KRT4: variants seen among roughly 807,000 people sequenced by gnomAD.
The protein encoded by KRT4 is keratin, type II cytoskeletal 4.
In KRT4, 47 loss-of-function variants were observed where a neutral mutation model predicts 50.6. That is an observed-to-expected ratio of 0.93 (90% CI 0.73 to 1.18). KRT4 has a LOEUF of 1.18. KRT4 is among the 50% of genes most tolerant of loss of function. The pLI is 0.00. For synonymous variants in KRT4, 254 were observed against 251.2 expected (o/e 1.01, Z -0.10); for missense variants, 651 against 645.7 (o/e 1.01, Z -0.09).
In KRT4 at chr12:52,806,877, C is replaced by T; in HGVS notation, c.*192G>A. On this transcript the variant is annotated 3_prime_UTR_variant, in exon 9 of 9. Coordinates refer to ENST00000551956, the MANE Select transcript of KRT4 (RefSeq NM_002272.4). Reference sequence around the variant, plus strand: ...CAGGCCCAAATCAAGAAGTAGCTACCAAACTCCAAGAGGCAGAGTCCCTGT... The same window carrying T: ...CAGGCCCAAATCAAGAAGTAGCTACTAAACTCCAAGAGGCAGAGTCCCTGT... 1 of 678,216 alleles carries T rather than the reference C, an allele frequency of 1.5e-6. No homozygotes were observed. The highest frequency in any genetic ancestry group is 2.6e-6 in the Non-Finnish European group (1 of 388,536). The allele number at this position is 678,216 out of a possible 1,614,324, so 42.0% of individuals were successfully genotyped here.
At position 52,809,369 on chromosome 12, in the gene KRT4, GATGGAGCCCTC is replaced by G. The variant is rs1939866625; in HGVS notation, c.834+3_834+13del. On this transcript the variant is annotated splice_donor_5th_base_variant and intron_variant, in intron 4 of 8. Transcript: ENST00000551956. ...TTCCCTTTCCCTGGATGGAGGGGAG[GATGGAGCCCTC>G]ACCGCATCATAGAGGACCTTCAGGA... 24 of 1,584,956 alleles carry G rather than the reference GATGGAGCCCTC, an allele frequency of 1.5e-5. No homozygotes were observed. Among genetic ancestry groups the G allele is most frequent in the Non-Finnish European group, 2.1e-5 (24 of 1,153,314 alleles).
chr12:52,809,621 T>C (rs1199771571), intron 3 of KRT4, 143 bp from the exon 4 acceptor site: 1 of 711,944 alleles, frequency 1.4e-6, no homozygotes, highest in Non-Finnish European at 2.6e-6. Flanking sequence ...GACCAATTAT[T>C]TTATATATTC....
Position 52,808,758 on chromosome 12 carries a change from G to A in KRT4, c.927C>T (p.Ala309=), listed in dbSNP as rs375245246. 26 of 1,614,030 alleles carry A rather than the reference G, an allele frequency of 1.6e-5. No individual in the cohort carries two copies. Among genetic ancestry groups the A allele is most frequent in the African/African-American group, 6.7e-5 (5 of 74,920 alleles). The change falls in exon 5 of 9, where the codon GCC becomes GCT. Residue 309 remains alanine (A), a synonymous_variant. Coordinates refer to ENST00000551956, the MANE Select transcript of KRT4 (RefSeq NM_002272.4). ...NRNLDLDSII[A]EVRAQYEEIA... is the part of the protein sequence containing the mutation. ...TCTCCTCGTACTGGGCACGGACCTC[G>A]GCAATAATGCTGTCCAGGTCCAGGT...
rs766311824 is a variant in KRT4, at chr12:52,809,383, C to T, written c.834G>A (p.Ala278=). 1.2e-6 allele frequency: 2 copies of T among 1,606,734 alleles called. No individual in the cohort carries two copies. Among genetic ancestry groups the T allele is most frequent in the South Asian group, 1.1e-5 (1 of 90,926 alleles). Residue 278 remains alanine (A), a splice_region_variant and synonymous_variant, in exon 4 of 9, where the codon GCG becomes GCA. Transcript: ENST00000551956. ...EINFLKVLYD[A]ELSQMQTHVS... ...ATGGAGGGGAGGATGGAGCCCTCACCGCATCATAGAGGACCTTCAGGAAGT... is the reference window on the plus strand; with the variant it reads ...ATGGAGGGGAGGATGGAGCCCTCACTGCATCATAGAGGACCTTCAGGAAGT...
In KRT4 at chr12:52,813,640, TG is replaced by T. The variant is rs751322489; in HGVS notation, c.418del (p.Gln140ArgfsTer19). ...IQKVRTEERE[Q>X]IKLLNNKFAS... ...AAACTTGTTGTTGAGGAGCTTGATCTGTTCGCGCTCTTCCGTCCGGACTTTC... is the reference window on the plus strand; with the variant it reads ...AAACTTGTTGTTGAGGAGCTTGATCTTTCGCGCTCTTCCGTCCGGACTTTC... On this transcript the variant is annotated frameshift_variant, in exon 1 of 9. Transcript: ENST00000551956. LOFTEE classifies it high-confidence loss of function. 1.2e-6 allele frequency: 2 copies of T among 1,613,994 alleles called. No homozygotes were observed. The highest frequency in any genetic ancestry group is 4.5e-5 in the East Asian group (2 of 44,840).
At chr12:52,809,266 C>A (rs1939863958) in intron 4 of KRT4, 117 bp downstream of exon 4, 4 of 813,116 alleles carry the variant, frequency 4.9e-6, no homozygotes, top group Non-Finnish European at 8.8e-6. Flanking sequence ...TTGATGAGAA[C>A]CCACTGCCCT....
chr12:52,811,741 C>T (rs377556189), intron 2 of KRT4, 22 bp downstream of exon 2: 6 of 1,590,552 alleles, frequency 3.8e-6, no homozygotes, highest in Admixed American at 1.7e-5. Context: ...CAGATGGCGT[C>T]CCCTCCTTCC....
rs200953989 is a variant in KRT4 at position 52,811,782 on chromosome 12, C to T, written c.658G>A (p.Val220Met). The change falls in exon 2 of 9, where the codon GTG becomes ATG. Residue 220 changes from valine to methionine, a missense_variant. Transcript: ENST00000551956. ...QSELKTMQDSVEDFKTKYEEE... is the reference protein window; with the variant it reads ...QSELKTMQDSMEDFKTKYEEE... The stretch of plus-strand genomic sequence containing the variant: ...ATGTACTTAGTCTTGAAGTCCTCCA[C>T]GCTGTCCTGCATGGTCTTCAGCTCA... The T allele has an allele frequency of 4.8e-5, 77 of 1,613,378 alleles. No homozygotes were observed. In the African/African-American group the frequency reaches 5.2e-4, roughly 11 times the overall value.
rs1161324236 is a variant in KRT4 at position 52,807,253 on chromosome 12, G to GTAGCTGACCA, written c.1382-4_1382-3insTGGTCAGCTA. On this transcript the variant is annotated splice_region_variant and splice_polypyrimidine_tract_variant and intron_variant, in intron 8 of 8. Transcript: ENST00000551956. ...GCTGGTGCTACCGCTGACCACAGCT[G>GTAGCTGACCA]CAGAAAAGACACAAAAGACACAGTT... 6.2e-7 allele frequency: 1 copy of GTAGCTGACCA among 1,614,190 alleles called. No homozygotes were observed. Among genetic ancestry groups the GTAGCTGACCA allele is most frequent in the Admixed American group, 1.7e-5 (1 of 60,022 alleles).
chr12:52,807,020 C>T lies in KRT4; in HGVS notation c.*49G>A. 1 of 1,576,222 alleles carries T rather than the reference C, an allele frequency of 6.3e-7. No homozygotes were observed. The highest frequency in any genetic ancestry group is 8.7e-7 in the Non-Finnish European group (1 of 1,145,842). ...TGAAGTGAAGGAAGCACAGAGACAC[C>T]AGTGCTGGGCCCAGCTGGACACAGT... On this transcript the variant is annotated 3_prime_UTR_variant, in exon 9 of 9. Transcript: ENST00000551956.
Position 52,806,896 on chromosome 12 carries a change from T to C in KRT4, c.*173A>G. ...AGCTACCAAACTCCAAGAGGCAGAG[T>C]CCCTGTCCCAGCACAGAAGATCATC... On this transcript the variant is annotated 3_prime_UTR_variant, in exon 9 of 9. Coordinates refer to ENST00000551956, the MANE Select transcript of KRT4 (RefSeq NM_002272.4). 4.1e-6 allele frequency: 3 copies of C among 740,668 alleles called. No individual in the cohort carries two copies. Among genetic ancestry groups the C allele is most frequent in the Non-Finnish European group, 7.0e-6 (3 of 430,384 alleles). 45.9% of individuals were successfully genotyped at this position (740,668 alleles called of 1,614,324 possible).
chr12:52,810,689 A>G (rs1331184085), intron 3 of KRT4, 67 bp downstream of exon 3: 1 of 1,318,538 alleles, frequency 7.6e-7, no homozygotes, highest in Non-Finnish European at 1.1e-6. Context: ...CCATGACTTC[A>G]GCCAAAGACC....
At chr12:52,809,530 G>T in intron 3 of KRT4, 52 bp from the exon 4 acceptor site, 1 of 1,320,180 alleles carries the variant, frequency 7.6e-7, no homozygotes, top group Non-Finnish European at 1.1e-6. Flanking sequence ...GCCAGTAGGA[G>T]GACGGGTTAC....
Position 52,806,634 on chromosome 12 carries a change from T to C in KRT4, c.*435A>G. 1 of 263,332 alleles carries C rather than the reference T, an allele frequency of 3.8e-6. No homozygotes were observed. Among genetic ancestry groups the C allele is most frequent in the Non-Finnish European group, 7.5e-6 (1 of 133,462 alleles). The allele number at this position is 263,332 out of a possible 1,614,324, so 16.3% of individuals were successfully genotyped here. On this transcript the variant is annotated 3_prime_UTR_variant, in exon 9 of 9. Coordinates refer to ENST00000551956, the MANE Select transcript of KRT4 (RefSeq NM_002272.4). ...AGTAGAATGGGACACTAAGTGGTTCTCATCCTAAGCTTGCAGGGCCAAGTG... is the reference window on the plus strand; with the variant it reads ...AGTAGAATGGGACACTAAGTGGTTCCCATCCTAAGCTTGCAGGGCCAAGTG...
In KRT4 at chr12:52,813,694, A is replaced by T; in HGVS notation, c.365T>A (p.Leu122His). ...GATCTCAGGGTCAATCTCCACGTGGAGGGGGGTGAGCAAGCTCTGGTTGAT... is the reference window on the plus strand; with the variant it reads ...GATCTCAGGGTCAATCTCCACGTGGTGGGGGGTGAGCAAGCTCTGGTTGAT... ...VTINQSLLTP[L>H]HVEIDPEIQK... is the part of the protein sequence containing the mutation. The change falls in exon 1 of 9, where the codon CTC becomes CAC. Residue 122 changes from leucine to histidine, a missense_variant. Coordinates refer to ENST00000551956, the MANE Select transcript of KRT4 (RefSeq NM_002272.4). The T allele has an allele frequency of 4.0e-6, 6 of 1,496,260 alleles. No homozygotes were observed. Among genetic ancestry groups the T allele is most frequent in the Non-Finnish European group, 5.4e-6 (6 of 1,119,962 alleles). The allele number at this position is 1,496,260 out of a possible 1,614,324, so 92.7% of individuals were successfully genotyped here.
Position 52,808,292 on chromosome 12 carries a change from A to G in KRT4, c.1125+2T>C. On this transcript the variant is annotated splice_donor_variant, in intron 6 of 8. Coordinates refer to ENST00000551956, the MANE Select transcript of KRT4 (RefSeq NM_002272.4). LOFTEE classifies it high-confidence loss of function. ...CTCCATCTGGAAGGGAGTGACACCC[A>G]CCTGCTTCTTGATGTTCTCGATCTC... 3.1e-6 allele frequency: 5 copies of G among 1,613,942 alleles called. No individual in the cohort carries two copies. The highest frequency in any genetic ancestry group is 4.2e-6 in the Non-Finnish European group (5 of 1,180,004).
rs761353400 is a variant in KRT4, at chr12:52,807,774, C to A, written c.1216G>T (p.Ala406Ser). 5.0e-6 allele frequency: 8 copies of A among 1,614,210 alleles called. No homozygotes were observed. Among genetic ancestry groups the A allele is most frequent in the East Asian group, 4.5e-5 (2 of 44,882 alleles). Residue 406 changes from alanine to serine, a missense_variant, in exon 7 of 9, where the codon GCT becomes TCT. Transcript: ENST00000551956. Reference sequence around the variant, plus strand: ...TCCTCCTTGGCCTGCTGCAGGGCAGCCTCCAGCTCTACGCGCTTGCTGTGG... The same window carrying A: ...TCCTCCTTGGCCTGCTGCAGGGCAGACTCCAGCTCTACGCGCTTGCTGTGG... ...DAHSKRVELE[A>S]ALQQAKEELA...
Position 52,813,693 on chromosome 12 carries a change from G to A in KRT4, c.366C>T (p.Leu122=), listed in dbSNP as rs1378654633. The A allele has an allele frequency of 3.3e-6, 5 of 1,531,706 alleles. No homozygotes were observed. The highest frequency in any genetic ancestry group is 2.5e-5 in the East Asian group (1 of 39,832). 94.9% of individuals were successfully genotyped at this position (1,531,706 alleles called of 1,614,324 possible). A position where few individuals can be genotyped will look rare whatever the true frequency, so the allele number is the denominator to read the frequency against. The part of the protein sequence containing the change: ...VTINQSLLTP[L]HVEIDPEIQK... ...GGATCTCAGGGTCAATCTCCACGTGGAGGGGGGTGAGCAAGCTCTGGTTGA... is the reference window on the plus strand; with the variant it reads ...GGATCTCAGGGTCAATCTCCACGTGAAGGGGGGTGAGCAAGCTCTGGTTGA... The change falls in exon 1 of 9, where the codon CTC becomes CTT. Residue 122 remains leucine, a synonymous_variant. Transcript: ENST00000551956.
In KRT4 at chr12:52,806,994, G is replaced by C. The variant is rs899189028; in HGVS notation, c.*75C>G. On this transcript the variant is annotated 3_prime_UTR_variant, in exon 9 of 9. Transcript: ENST00000551956. ...TGAGCCCCAGAGACAGAGGATGGAGGTGAAGTGAAGGAAGCACAGAGACAC... is the reference window on the plus strand; with the variant it reads ...TGAGCCCCAGAGACAGAGGATGGAGCTGAAGTGAAGGAAGCACAGAGACAC... 4.3e-6 allele frequency: 6 copies of C among 1,392,940 alleles called. No homozygotes were observed. In the East Asian group the frequency reaches 1.4e-4, roughly 32 times the overall value. The allele number at this position is 1,392,940 out of a possible 1,614,324, so 86.3% of individuals were successfully genotyped here.
Sources: allele counts gnomAD v4.1 joint callset, GRCh38; gene constraint gnomAD v4.1.1; transcripts MANE v1.5; gene names NCBI Gene and HGNC (gene_info 2026-07-23, HGNC 2026-07-21).